Variants in GCH1 observed in about 807,000 individuals in gnomAD.
GCH1 encodes GTP cyclohydrolase I.
Under a neutral mutation model 25.9 loss-of-function variants are expected in GCH1, and 5 were observed. The ratio of observed to expected loss-of-function variants is 0.19; its 90% CI spans 0.10 to 0.41. The LOEUF is 0.41. GCH1 is among the 10% of genes least tolerant of loss of function. GCH1 has a pLI of 1.00. For synonymous variants in GCH1, 159 were observed against 129.6 expected, an observed-to-expected ratio of 1.23 and a Z score of -1.54; for missense variants, 261 against 336.5, an observed-to-expected ratio of 0.78 and a Z score of 1.75.
intron 1 of GCH1, among the ~76,000 whole-genome samples, chr14:54,871,595 C>T (rs1370554343): frequency 2.6e-5 from 4 of 151,936 alleles, no homozygotes; most frequent in Non-Finnish European, 5.9e-5. Flanking sequence ...AGTTAAAAAC[C>T]TTTAAAAAAA....
At chr14:54,863,476 G>T (rs2039942529) in intron 2 of GCH1, among the ~76,000 whole-genome samples, 6 of 62,100 alleles carry the variant, frequency 9.7e-5, no homozygotes, top group East Asian at 9.8e-4. Flanking sequence ...AAAAAGTATT[G>T]ACAGCAGTAT....
At chr14:54,860,803 A>G (rs931877089) in intron 2 of GCH1, among the ~76,000 whole-genome samples, 2 of 152,000 alleles carry the variant, frequency 1.3e-5, no homozygotes, top group Non-Finnish European at 2.9e-5. Context: ...CCTCCCAAAG[A>G]GTTGGGATTA....
At chr14:54,887,661 T>G (rs1241489279) in intron 1 of GCH1, among the ~76,000 whole-genome samples, 22 of 152,190 alleles carry the variant, frequency 1.4e-4, no homozygotes, top group Admixed American at 1.4e-3. Context: ...TATGAAGGAA[T>G]GAATAGCTAA....
intron 1 of GCH1, among the ~76,000 whole-genome samples, chr14:54,869,137 C>G (rs2040031838): frequency 6.6e-6 from 1 of 151,984 alleles, no homozygotes; most frequent in Non-Finnish European, 1.5e-5. Context: ...CTCCCGGGTT[C>G]AAGCGATTCT....
chr14:54,851,603 C>G (rs1370157896), intron 3 of GCH1, among the ~76,000 whole-genome samples: 1 of 152,168 alleles, frequency 6.6e-6, no homozygotes. Flanking sequence ...ATTTATGCAG[C>G]CAACAGACAC....
At chr14:54,845,270 G>T (rs2039623908) in intron 5 of GCH1, among the ~76,000 whole-genome samples, 1 of 151,466 alleles carries the variant, frequency 6.6e-6, no homozygotes, top group Non-Finnish European at 1.5e-5. Flanking sequence ...ATGAGGTCAG[G>T]AGTTCGAGAC....
Position 54,902,336 on chromosome 14 carries a change from G to T in GCH1, c.328C>A (p.Gln110Lys). ...SAMQFFTKGY[Q>K]ETISDVLNDA... The stretch of plus-strand genomic sequence containing the variant: ...GCGCACTGACCTGAGATGGTCTCCT[G>T]GTAGCCCTTGGTGAAGAACTGCATG... Residue 110 changes from glutamine to lysine, a missense_variant, in exon 1 of 6, where the codon CAG becomes AAG. By Grantham distance (53) the Gln-to-Lys change is moderately conservative. Coordinates refer to ENST00000491895, the MANE Select transcript of GCH1 (RefSeq NM_000161.3). The T allele has an allele frequency of 6.2e-7, 1 of 1,612,644 alleles. No individual in the cohort carries two copies. The highest frequency in any genetic ancestry group is 8.5e-7 in the Non-Finnish European group (1 of 1,179,782).
chr14:54,854,802 A>C (rs533116551), intron 3 of GCH1, among the ~76,000 whole-genome samples: 1 of 152,348 alleles, frequency 6.6e-6, no homozygotes, highest in Admixed American at 6.5e-5. Flanking sequence ...TTTTTTACTT[A>C]TCAGTTTGGC....
intron 3 of GCH1, among the ~76,000 whole-genome samples, chr14:54,856,502 G>A (rs1471005458): frequency 6.6e-6 from 1 of 152,058 alleles, no homozygotes; most frequent in African/African-American, 2.4e-5. Flanking sequence ...CACGAGACTG[G>A]AGTGCAGTGG....
intron 4 of GCH1, among the ~76,000 whole-genome samples, chr14:54,846,115 T>C (rs1843513307): frequency 6.6e-6 from 1 of 152,136 alleles, no homozygotes; most frequent in African/African-American, 2.4e-5. Context: ...GGAATTAGAA[T>C]AGCAATTATC....
chr14:54,897,979 C>T (rs1326885236), intron 1 of GCH1, among the ~76,000 whole-genome samples: 1 of 152,202 alleles, frequency 6.6e-6, no homozygotes, highest in Middle Eastern at 3.2e-3. Flanking sequence ...GCCTATTACA[C>T]ACCTAGGCTA....
chr14:54,843,188 A>T lies in GCH1; in HGVS notation c.*829T>A. 3 of 1,474,990 alleles carry T rather than the reference A, an allele frequency of 2.0e-6. No individual in the cohort carries two copies. In the South Asian group the frequency reaches 4.3e-5, roughly 21 times the overall value. The allele number at this position is 1,474,990 out of a possible 1,614,324, so 91.4% of individuals were successfully genotyped here. ...CACAAAGGAAACTCAATAAACCTAT[A>T]AAGTTAAAACTGAGCTGACTAGTTA... is the stretch of plus-strand genomic sequence containing the variant. On this transcript the variant is annotated 3_prime_UTR_variant, in exon 6 of 6. Coordinates refer to ENST00000491895, the MANE Select transcript of GCH1 (RefSeq NM_000161.3).
chr14:54,872,484 T>C (rs906297330), intron 1 of GCH1, among the ~76,000 whole-genome samples: 1 of 152,114 alleles, frequency 6.6e-6, no homozygotes, highest in Non-Finnish European at 1.5e-5. Context: ...CAGGATCAAA[T>C]TCACACATAA....
At chr14:54,862,376 ACTCT>A (rs1566667346) in intron 2 of GCH1, among the ~76,000 whole-genome samples, 1 of 96,966 alleles carries the variant, frequency 1.0e-5, no homozygotes, top group African/African-American at 4.7e-5. Flanking sequence ...ATGAAGCACT[ACTCT>A]TTTTTTTTTT....
intron 1 of GCH1, among the ~76,000 whole-genome samples, chr14:54,891,918 C>T (rs937882451): frequency 6.6e-6 from 1 of 152,176 alleles, no homozygotes; most frequent in African/African-American, 2.4e-5. Context: ...TTTTACTTAA[C>T]AATGGCCCTA....
chr14:54,888,527 T>G (rs1344862972), intron 1 of GCH1, among the ~76,000 whole-genome samples: 1 of 141,914 alleles, frequency 7.0e-6, no homozygotes, highest in Non-Finnish European at 1.5e-5. Flanking sequence ...TTTTTTTTTT[T>G]TTTGAGATGG....
intron 2 of GCH1, among the ~76,000 whole-genome samples, chr14:54,862,984 G>A (rs1313747357): frequency 1.3e-5 from 2 of 152,110 alleles, no homozygotes; most frequent in South Asian, 4.1e-4. Flanking sequence ...ATACAAATGT[G>A]TGACTCTCCC....
At chr14:54,873,058 C>G (rs2140087036) in intron 1 of GCH1, among the ~76,000 whole-genome samples, 1 of 152,172 alleles carries the variant, frequency 6.6e-6, no homozygotes, top group East Asian at 1.9e-4. Flanking sequence ...ACATTCTTCT[C>G]AGCACCACAT....
At position 54,842,867 on chromosome 14, in the gene GCH1, C is replaced by T. The variant is rs1333843041; in HGVS notation, c.*1150G>A. The T allele has an allele frequency of 2.3e-5, 11 of 480,840 alleles. No homozygotes were observed. Among genetic ancestry groups the T allele is most frequent in the Middle Eastern group, 2.9e-4 (1 of 3,478 alleles). 29.8% of individuals were successfully genotyped at this position (480,840 alleles called of 1,614,324 possible). Reference sequence around the variant, plus strand: ...GATTAAAATACCTATACCATCTATACGGAGTTACAATGAGGACAAGACCCA... The same window carrying T: ...GATTAAAATACCTATACCATCTATATGGAGTTACAATGAGGACAAGACCCA... On this transcript the variant is annotated 3_prime_UTR_variant, in exon 6 of 6. Coordinates refer to ENST00000491895, the MANE Select transcript of GCH1 (RefSeq NM_000161.3).
Sources: allele counts gnomAD v4.1 joint callset (sites outside exome capture counted in the v4.1 genomes callset), GRCh38; gene constraint gnomAD v4.1.1; transcripts MANE v1.5; gene names NCBI Gene and HGNC (gene_info 2026-07-23, HGNC 2026-07-21).